The following CCDC32 variants were observed in gnomAD, a reference collection of about 807,000 sequenced individuals.
CCDC32 encodes coiled-coil domain-containing protein 32.
A neutral mutation model predicts 20.1 loss-of-function variants in CCDC32; 9 were observed. The ratio of observed to expected loss-of-function variants is 0.45; its 90% CI spans 0.27 to 0.78. The LOEUF is 0.78. Ranked by LOEUF, CCDC32 falls within the 30% of genes least tolerant of loss-of-function variation. The pLI is 0.16. For synonymous variants in CCDC32, 63 were observed against 79.0 expected (o/e 0.80, Z 1.07); for missense variants, 204 against 215.5 (o/e 0.95, Z 0.33).
intron 3 of CCDC32, among the ~76,000 whole-genome samples, chr15:40,554,617 T>G (rs1275400009): frequency 1.3e-5 from 2 of 152,040 alleles, no homozygotes; most frequent in African/African-American, 2.4e-5. Context: ...TTTTTTTGTG[T>G]GGGGTTTTTG....
At chr15:40,537,224 A>T (rs1245474689), downstream of CCDC32, 1 of 152,322 alleles carries the variant, frequency 6.6e-6, no homozygotes, top group Non-Finnish European at 1.5e-5. Context: ...TGACTTTATC[A>T]GTATCCCTGG....
Position 40,554,064 on chromosome 15 carries a change from G to A in CCDC32, c.465C>T (p.Val155=). Residue 155 remains valine (V), a synonymous_variant, in exon 4 of 4, where the codon GTC becomes GTT. Transcript: ENST00000416810. ...PDKVAVSTEE[V]QYLIPPESQV... The stretch of plus-strand genomic sequence containing the variant: ...GTGACTCTGGAGGAATCAGATACTG[G>A]ACCTCCTCTGTGCTGACGGCTACTT... 3 of 1,613,876 alleles carry A rather than the reference G, an allele frequency of 1.9e-6. No homozygotes were observed. Among genetic ancestry groups the A allele is most frequent in the Non-Finnish European group, 1.7e-6 (2 of 1,179,970 alleles).
At chr15:40,533,091 T>G (rs556820069), downstream of CCDC32, among the ~76,000 whole-genome samples, 1 of 152,188 alleles carries the variant, frequency 6.6e-6, no homozygotes, top group Non-Finnish European at 1.5e-5. Context: ...ATGAGCTCTG[T>G]ACCAGGTGCT....
intron 3 of CCDC32, among the ~76,000 whole-genome samples, chr15:40,546,093 A>G (rs1460104207): frequency 6.6e-6 from 1 of 151,748 alleles, no homozygotes; most frequent in Non-Finnish European, 1.5e-5. Flanking sequence ...CTGGTTCTTC[A>G]CCTATGCCTA....
At chr15:40,541,284 G>A (rs1232355566) in intron 3 of CCDC32, among the ~76,000 whole-genome samples, 2 of 151,948 alleles carry the variant, frequency 1.3e-5, no homozygotes, top group African/African-American at 4.8e-5. Context: ...TGGTGGAACT[G>A]CAGCCCAGAT....
At chr15:40,538,277 G>A (rs1383142427), downstream of CCDC32, 3 of 152,170 alleles carry the variant, frequency 2.0e-5, no homozygotes, top group Non-Finnish European at 2.9e-5. Context: ...CTGAGGCTAT[G>A]GTCTTGTTTT....
chr15:40,562,972 C>T lies in CCDC32; in HGVS notation c.44G>A (p.Gly15Asp). The T allele has an allele frequency of 1.1e-5, 18 of 1,614,168 alleles. No homozygotes were observed. The highest frequency in any genetic ancestry group is 1.5e-5 in the Non-Finnish European group (18 of 1,180,030). The part of the protein sequence containing the change: ...ESADSTATRS[G>D]QDLWAEICSC... ...ACAAATTTCAGCCCAGAGATCCTGG[C>T]CAGATCTTGTGGCTGTAGAGTCAGC... The change falls in exon 2 of 4, where the codon GGC becomes GAC. Residue 15 changes from glycine (G) to aspartate (D), a missense_variant. Gly to Asp is a moderately conservative substitution (Grantham distance 94). Transcript: ENST00000416810.
At chr15:40,535,424 T>G, downstream of CCDC32, 2 of 998,450 alleles carry the variant, frequency 2.0e-6, no homozygotes, top group Non-Finnish European at 1.2e-6. Flanking sequence ...AAAAAGTGCT[T>G]TCATGAGCAT....
At chr15:40,530,477 C>T (rs534698415), downstream of CCDC32, among the ~76,000 whole-genome samples, 170 of 148,588 alleles carry the variant, frequency 1.1e-3, 5 homozygotes, top group Non-Finnish European at 2.0e-3. Context: ...CTCTCTTTTT[C>T]TCTCTCTCTC....
At chr15:40,547,862 A>G (rs1889686029) in intron 3 of CCDC32, among the ~76,000 whole-genome samples, 1 of 152,174 alleles carries the variant, frequency 6.6e-6, no homozygotes, top group Non-Finnish European at 1.5e-5. Flanking sequence ...ACTTTTCTCC[A>G]TGAACCCCAG....
chr15:40,564,641 C>A, intron 1 of CCDC32: 1 of 1,340,514 alleles, frequency 7.5e-7, no homozygotes, highest in South Asian at 1.2e-5. Context: ...GCCCAGCCAG[C>A]GTAAAGGCCG....
At chr15:40,541,333 ATTT>A (rs11337977) in intron 3 of CCDC32, among the ~76,000 whole-genome samples, 1,996 of 139,718 alleles carry the variant, frequency 0.014, 13 homozygotes, top group Non-Finnish European at 0.018. Context: ...GAGCTGTAAT[ATTT>A]TTTTTTTTTT....
At chr15:40,544,885 T>A (rs1858762749) in intron 3 of CCDC32, among the ~76,000 whole-genome samples, 1 of 152,226 alleles carries the variant, frequency 6.6e-6, no homozygotes. Flanking sequence ...TTTATCTGTA[T>A]CATGTTTCAT....
downstream of CCDC32, among the ~76,000 whole-genome samples, chr15:40,524,392 G>A (rs1020880908): frequency 1.3e-4 from 20 of 151,894 alleles, no homozygotes; most frequent in African/African-American, 2.7e-4. Flanking sequence ...TCCTGACCTC[G>A]TGATCCGCCC....
chr15:40,538,934 A>C (rs1314705962), downstream of CCDC32: 4 of 399,146 alleles, frequency 1.0e-5, no homozygotes, highest in African/African-American at 8.0e-5. Context: ...TGGGGGCCTG[A>C]GGTCTAGTGC....
intron 2 of CCDC32, among the ~76,000 whole-genome samples, chr15:40,558,573 C>T (rs1238840247): frequency 6.6e-6 from 1 of 152,042 alleles, no homozygotes; most frequent in Non-Finnish European, 1.5e-5. Context: ...CTTCCTCTCT[C>T]TAAGTATGCT....
At chr15:40,552,736 C>A (rs1889944980), downstream of CCDC32, 1 of 113,600 alleles carries the variant, frequency 8.8e-6, no homozygotes, top group African/African-American at 3.3e-5. Context: ...ATGATTGTAC[C>A]ATTGCACTCC....
downstream of CCDC32, among the ~76,000 whole-genome samples, chr15:40,552,386 CAGG>C (rs1889920289): frequency 6.9e-6 from 1 of 144,768 alleles, no homozygotes; most frequent in East Asian, 2.1e-4. Context: ...GAGGCTGAAG[CAGG>C]AGAATTGCTT....
intron 3 of CCDC32, among the ~76,000 whole-genome samples, chr15:40,528,999 G>C (rs1894935704): frequency 6.6e-6 from 1 of 152,154 alleles, no homozygotes; most frequent in South Asian, 2.1e-4. Context: ...AGGCAGCTAA[G>C]TGCCTTTGTC....
Sources: gnomAD v4.1 joint callset for allele counts (sites outside exome capture counted in the v4.1 genomes callset) on GRCh38, gnomAD v4.1.1 for gene constraint, MANE v1.5 for transcripts, NCBI Gene and HGNC (gene_info 2026-07-23, HGNC 2026-07-21) for gene names.